Variants in B3GLCT observed in about 807,000 individuals in gnomAD.
B3GLCT encodes beta 3-glucosyltransferase, also known as beta-1,3-glucosyltransferase.
A neutral mutation model predicts 63.4 loss-of-function variants in B3GLCT; 65 were observed. That is an observed-to-expected ratio of 1.03 (90% CI 0.84 to 1.26). B3GLCT has a LOEUF of 1.26. B3GLCT is among the 50% of genes most tolerant of loss of function. B3GLCT has a pLI of 0.00. For missense variants in B3GLCT, 577 were observed against 604.8 expected (o/e 0.95, Z 0.48); for synonymous variants, 233 against 219.2 (o/e 1.06, Z -0.55).
intron 12 of B3GLCT, among the ~76,000 whole-genome samples, chr13:31,295,068 C>A (rs976820892): frequency 7.9e-5 from 12 of 152,066 alleles, no homozygotes; most frequent in African/African-American, 2.9e-4. Flanking sequence ...AACAGTCAGG[C>A]CTCTCTACTG....
In B3GLCT at chr13:31,329,679, C is replaced by A. The variant is rs376356063; in HGVS notation, c.*11C>A. 28 of 1,613,878 alleles carry A rather than the reference C, an allele frequency of 1.7e-5. No individual in the cohort carries two copies. In the African/African-American group the frequency reaches 2.4e-4, roughly 14 times the overall value. ...CGAGAGGAGTTATAAATCAGGGTGA[C>A]CTGTGCGCCTAGCCTGCGCAGGGAA... is the stretch of plus-strand genomic sequence containing the variant. On this transcript the variant is annotated 3_prime_UTR_variant, in exon 15 of 15. Transcript: ENST00000343307.
Position 31,271,522 on chromosome 13 carries a change from A to G in B3GLCT, c.660+2245A>G, listed in dbSNP as rs561347378. Among the ~76,000 whole-genome samples, 4 of 152,358 alleles carry G rather than the reference A, an allele frequency of 2.6e-5. No individual in the cohort carries two copies. In the South Asian group the frequency reaches 8.3e-4, roughly 32 times the overall value. On this transcript the variant is annotated intron_variant, in intron 8 of 14. Coordinates refer to ENST00000343307, the MANE Select transcript of B3GLCT (RefSeq NM_194318.4). ...TTTGACTATGACCCACTTTAAAAAA[A>G]TAAATTTTCATCATGACCCAGTATA...
intron 6 of B3GLCT, among the ~76,000 whole-genome samples, chr13:31,253,164 T>C (rs575712325): frequency 1.3e-5 from 2 of 152,192 alleles, no homozygotes; most frequent in South Asian, 4.1e-4. Flanking sequence ...TTGAAACCAA[T>C]GAGAACAAAC....
chr13:31,210,625 A>T (rs1869208217), intron 1 of B3GLCT, among the ~76,000 whole-genome samples: 1 of 152,174 alleles, frequency 6.6e-6, no homozygotes, highest in African/African-American at 2.4e-5. Context: ...TCTCTCTTTC[A>T]TTTCCATGAA....
At chr13:31,280,093 A>G (rs747209444) in intron 10 of B3GLCT, among the ~76,000 whole-genome samples, 94 of 152,136 alleles carry the variant, frequency 6.2e-4, no homozygotes, top group Non-Finnish European at 1.2e-3. Flanking sequence ...AGTTAACGCA[A>G]TCATCACAGG....
intron 14 of B3GLCT, among the ~76,000 whole-genome samples, chr13:31,328,361 T>G (rs546916728): frequency 1.3e-5 from 2 of 152,124 alleles, no homozygotes; most frequent in African/African-American, 4.8e-5. Flanking sequence ...ATGAGTTACT[T>G]TATAAAACAG....
At chr13:31,315,405 G>C (rs1378654977) in intron 12 of B3GLCT, among the ~76,000 whole-genome samples, 2 of 152,158 alleles carry the variant, frequency 1.3e-5, no homozygotes, top group Non-Finnish European at 2.9e-5. Flanking sequence ...CAAAGAGACT[G>C]GTGGAATTTT....
chr13:31,319,695 C>A (rs1875238246), intron 13 of B3GLCT, among the ~76,000 whole-genome samples: 1 of 152,122 alleles, frequency 6.6e-6, no homozygotes, highest in Non-Finnish European at 1.5e-5. Context: ...TGGCTTGATG[C>A]TGAATGTACC....
At chr13:31,259,676 C>T (rs931958527) in intron 6 of B3GLCT, among the ~76,000 whole-genome samples, 1 of 151,880 alleles carries the variant, frequency 6.6e-6, no homozygotes, top group Non-Finnish European at 1.5e-5. Flanking sequence ...AGCAAGGCTG[C>T]AAGAGCCCCC....
chr13:31,288,775 A>G (rs888224369), intron 12 of B3GLCT, among the ~76,000 whole-genome samples: 1 of 152,204 alleles, frequency 6.6e-6, no homozygotes, highest in Non-Finnish European at 1.5e-5. Context: ...CAATTTTTAA[A>G]AATTGGAACA....
intron 4 of B3GLCT, among the ~76,000 whole-genome samples, chr13:31,239,085 G>T (rs2313744): frequency 6.6e-6 from 1 of 152,290 alleles, no homozygotes; most frequent in Admixed American, 6.5e-5. Context: ...CAGAAGGTCT[G>T]CTTTTGGGAT....
In B3GLCT at chr13:31,202,875, A is replaced by C. The variant is rs182529462; in HGVS notation, c.70+2721A>C. On this transcript the variant is annotated intron_variant, in intron 1 of 14. Transcript: ENST00000343307. ...GATGGTAGAAGAGAAAGATAGAAGA[A>C]GCCTGGATGCCAGATGGATGTGGAG... 5.9e-5 allele frequency among the ~76,000 whole-genome samples: 9 copies of C among 152,300 alleles called. No individual in the cohort carries two copies. In the East Asian group the frequency reaches 1.7e-3, roughly 29 times the overall value.
chr13:31,250,139 G>A (rs1486097945), intron 6 of B3GLCT, among the ~76,000 whole-genome samples: 1 of 152,098 alleles, frequency 6.6e-6, no homozygotes, highest in African/African-American at 2.4e-5. Flanking sequence ...TAATATATGT[G>A]TATTTTATGA....
chr13:31,250,476 A>G (rs1284856604), intron 6 of B3GLCT, among the ~76,000 whole-genome samples: 1 of 152,236 alleles, frequency 6.6e-6, no homozygotes, highest in Non-Finnish European at 1.5e-5. Flanking sequence ...CACCTGGCCT[A>G]AATTTATTTT....
At chr13:31,223,379 C>T (rs775098694) in intron 3 of B3GLCT, among the ~76,000 whole-genome samples, 5 of 152,134 alleles carry the variant, frequency 3.3e-5, no homozygotes, top group Non-Finnish European at 5.9e-5. Flanking sequence ...GTGACATTAG[C>T]GCAGGCCGTC....
intron 13 of B3GLCT, among the ~76,000 whole-genome samples, chr13:31,320,169 C>T (rs1875264010): frequency 6.6e-6 from 1 of 152,216 alleles, no homozygotes; most frequent in South Asian, 2.1e-4. Flanking sequence ...GGTCCTGTCT[C>T]CCCTCTGCTC....
intron 1 of B3GLCT, among the ~76,000 whole-genome samples, chr13:31,201,241 G>A (rs1226622894): frequency 6.6e-6 from 1 of 152,134 alleles, no homozygotes; most frequent in African/African-American, 2.4e-5. Flanking sequence ...TAGCCCACCG[G>A]AACCTTGACA....
At chr13:31,217,551 T>G (rs1190134275) in intron 2 of B3GLCT, among the ~76,000 whole-genome samples, 1 of 152,242 alleles carries the variant, frequency 6.6e-6, no homozygotes, top group African/African-American at 2.4e-5. Flanking sequence ...TATGTTTTCT[T>G]GTAGGGCTTT....
intron 1 of B3GLCT, among the ~76,000 whole-genome samples, chr13:31,213,060 G>T (rs1869359742): frequency 6.6e-6 from 1 of 152,112 alleles, no homozygotes; most frequent in South Asian, 2.1e-4. Flanking sequence ...GTGTGTGTAT[G>T]TGTGTGTAAA....
Sources: allele counts gnomAD v4.1 joint callset (sites outside exome capture counted in the v4.1 genomes callset), GRCh38; gene constraint gnomAD v4.1.1; transcripts MANE v1.5; gene names NCBI Gene and HGNC (gene_info 2026-07-23, HGNC 2026-07-21).